The following ZNRF1 variants were observed in gnomAD, a reference collection of about 807,000 sequenced individuals.
The protein encoded by ZNRF1 is zinc and ring finger 1.
In ZNRF1, 3 loss-of-function variants were observed where a neutral mutation model predicts 18.4. That is an observed-to-expected ratio of 0.16 (90% CI 0.07 to 0.42). The LOEUF is 0.42. Ranked by LOEUF, ZNRF1 falls within the 10% of genes least tolerant of loss-of-function variation. The pLI is 0.99. For synonymous variants in ZNRF1, 157 were observed against 144.2 expected (o/e 1.09, Z -0.64); for missense variants, 310 against 329.8 (o/e 0.94, Z 0.47).
chr16:75,076,347 C>G (rs2035940976), intron 1 of ZNRF1, among the ~76,000 whole-genome samples: 1 of 152,058 alleles, frequency 6.6e-6, no homozygotes, highest in East Asian at 2.0e-4. Context: ...CCGCTGATGT[C>G]CATCCCCATA....
At chr16:75,020,956 A>G (rs184540730) in intron 1 of ZNRF1, among the ~76,000 whole-genome samples, 76 of 152,228 alleles carry the variant, frequency 5.0e-4, no homozygotes, top group Admixed American at 2.5e-3. Flanking sequence ...TCTTAAATCA[A>G]TATCTCTACT....
At position 75,108,818 on chromosome 16, in the gene ZNRF1, A is replaced by G. The variant is rs969944583; in HGVS notation, c.*1118A>G. On this transcript the variant is annotated 3_prime_UTR_variant, in exon 5 of 5. Transcript: ENST00000335325. ...CTCCTTAGCATTCCTTCAGGCTGCT[A>G]CTCGGGGCTCCAGGTGTGTGAATTG... The G allele has an allele frequency of 5.7e-6, 2 of 350,242 alleles. No homozygotes were observed. Among genetic ancestry groups the G allele is most frequent in the Non-Finnish European group, 1.0e-5 (2 of 197,834 alleles). 21.7% of individuals were successfully genotyped at this position (350,242 alleles called of 1,614,324 possible).
rs2034850853 is a variant in ZNRF1, at chr16:75,001,643, A to C, written c.424+1548A>C. ...TAGTTTGGTGTTTAAAAGAACTGTA[A>C]TGAGCATCTGGTTTTGAACTTAAAA... On this transcript the variant is annotated intron_variant, in intron 1 of 4. Coordinates refer to ENST00000335325, the MANE Select transcript of ZNRF1 (RefSeq NM_032268.5). Among the ~76,000 whole-genome samples the C allele has an allele frequency of 2.0e-5, 3 of 152,200 alleles. No individual in the cohort carries two copies. In the South Asian group the frequency reaches 6.2e-4, roughly 32 times the overall value.
At chr16:75,063,382 G>T (rs1172448956) in intron 1 of ZNRF1, among the ~76,000 whole-genome samples, 2 of 152,146 alleles carry the variant, frequency 1.3e-5, no homozygotes, top group Non-Finnish European at 2.9e-5. Flanking sequence ...GCCTAGATTT[G>T]GGGTGGGCAT....
At chr16:75,004,755 G>T (rs777130185) in intron 1 of ZNRF1, among the ~76,000 whole-genome samples, 1 of 151,954 alleles carries the variant, frequency 6.6e-6, no homozygotes, top group East Asian at 1.9e-4. Flanking sequence ...CTGGGACTCA[G>T]GTGCGCACCA....
At chr16:75,002,824 T>G (rs1431818872) in intron 1 of ZNRF1, among the ~76,000 whole-genome samples, 4 of 152,224 alleles carry the variant, frequency 2.6e-5, no homozygotes, top group Admixed American at 2.6e-4. Flanking sequence ...ACGTATACCA[T>G]TCCCTAATCC....
chr16:75,033,422 C>T (rs1439558273), intron 1 of ZNRF1, among the ~76,000 whole-genome samples: 3 of 148,074 alleles, frequency 2.0e-5, no homozygotes, highest in Admixed American at 7.0e-5. Flanking sequence ...TAATTTTTCT[C>T]ATCAGTGTTT....
intron 1 of ZNRF1, among the ~76,000 whole-genome samples, chr16:75,034,622 G>T (rs1027417991): frequency 6.6e-6 from 1 of 152,050 alleles, no homozygotes; most frequent in Non-Finnish European, 1.5e-5. Flanking sequence ...CCGTTCTTTC[G>T]ATTTTAACTT....
intron 1 of ZNRF1, among the ~76,000 whole-genome samples, chr16:75,007,357 A>T (rs556401021): frequency 6.6e-6 from 1 of 152,286 alleles, no homozygotes; most frequent in African/African-American, 2.4e-5. Flanking sequence ...GCCAGACCCC[A>T]AATTTAATCC....
intron 1 of ZNRF1, among the ~76,000 whole-genome samples, chr16:75,051,830 CTA>C (rs2035610268): frequency 6.6e-6 from 1 of 152,110 alleles, no homozygotes; most frequent in African/African-American, 2.4e-5. Context: ...TTTTTTTAAA[CTA>C]TGTTTGTTTA....
intron 1 of ZNRF1, among the ~76,000 whole-genome samples, chr16:75,004,187 A>G (rs1441082146): frequency 3.9e-5 from 6 of 152,048 alleles, no homozygotes; most frequent in Non-Finnish European, 5.9e-5. Context: ...GTAGCCCCCA[A>G]ATGGAATCTG....
chr16:75,012,451 AGCTTGGT>A lies in ZNRF1; in HGVS notation c.424+12363_424+12369del, dbSNP rs545198562. 1.2e-4 allele frequency among the ~76,000 whole-genome samples: 19 copies of A among 152,316 alleles called. 2 individuals are homozygous for A. Among genetic ancestry groups the A allele is most frequent in the South Asian group, 1.0e-3 (5 of 4,830 alleles). On this transcript the variant is annotated intron_variant, in intron 1 of 4. Coordinates refer to ENST00000335325, the MANE Select transcript of ZNRF1 (RefSeq NM_032268.5). The stretch of plus-strand genomic sequence containing the variant: ...CTGTGCCCCCCTTTTCCATATGGTC[AGCTTGGT>A]GCTTGGCACTGATCATGGCACACTT...
chr16:75,094,925 A>G (rs1306230078), intron 2 of ZNRF1, among the ~76,000 whole-genome samples: 1 of 152,132 alleles, frequency 6.6e-6, no homozygotes, highest in East Asian at 1.9e-4. Context: ...GGGATTTCTG[A>G]GAGCATCTGA....
At chr16:75,033,158 ATAT>A (rs1016543400) in intron 1 of ZNRF1, among the ~76,000 whole-genome samples, 20 of 151,812 alleles carry the variant, frequency 1.3e-4, no homozygotes, top group Middle Eastern at 3.4e-3. Flanking sequence ...TTGAAATCAA[ATAT>A]TATTATTTGA....
chr16:75,023,598 C>G (rs1461055687), intron 1 of ZNRF1, among the ~76,000 whole-genome samples: 5 of 152,054 alleles, frequency 3.3e-5, no homozygotes, highest in African/African-American at 1.2e-4. Flanking sequence ...GCAGGAGAAT[C>G]TCTTGAACCC....
chr16:75,010,167 G>A (rs755169014), intron 1 of ZNRF1, among the ~76,000 whole-genome samples: 3 of 152,038 alleles, frequency 2.0e-5, no homozygotes, highest in African/African-American at 7.2e-5. Flanking sequence ...ATTTTTAGTA[G>A]AGACAAGGTT....
chr16:75,085,180 C>G (rs1207879156), intron 1 of ZNRF1, among the ~76,000 whole-genome samples: 1 of 152,162 alleles, frequency 6.6e-6, no homozygotes, highest in Non-Finnish European at 1.5e-5. Context: ...TCTCTCATTA[C>G]CTTCTCAGTG....
At chr16:75,011,813 G>A (rs1312667207) in intron 1 of ZNRF1, among the ~76,000 whole-genome samples, 1 of 152,136 alleles carries the variant, frequency 6.6e-6, no homozygotes, top group Non-Finnish European at 1.5e-5. Flanking sequence ...CAGAGGCCAA[G>A]GGCAGCACAA....
rs36075131 is a variant in ZNRF1 at position 75,078,296 on chromosome 16, C to CTTTT, written c.425-15257_425-15254dup. Among the ~76,000 whole-genome samples the CTTTT allele has an allele frequency of 4.0e-4, 45 of 113,122 alleles. 1 individual carries two copies. The highest frequency in any genetic ancestry group is 7.1e-4 in the African/African-American group (19 of 26,796). The allele number at this position is 113,122 out of a possible 152,430, so 74.2% of individuals were successfully genotyped here. On this transcript the variant is annotated intron_variant, in intron 1 of 4. Coordinates refer to ENST00000335325, the MANE Select transcript of ZNRF1 (RefSeq NM_032268.5). ...TCTCTTCCATACATTTCTTTCTTTC[C>CTTTT]TTTTTTTTTTTTTTTTTTTTTTGAC...
Sources: allele counts gnomAD v4.1 joint callset (sites outside exome capture counted in the v4.1 genomes callset), GRCh38; gene constraint gnomAD v4.1.1; transcripts MANE v1.5; gene names NCBI Gene and HGNC (gene_info 2026-07-23, HGNC 2026-07-21).